Variants in DUOX2 observed in about 807,000 individuals in gnomAD.
DUOX2 encodes the protein NADH/NADPH thyroid oxidase p138-tox.
A neutral mutation model predicts 183.3 loss-of-function variants in DUOX2; 185 were observed. The ratio of observed to expected loss-of-function variants is 1.01; its 90% CI spans 0.90 to 1.14. The LOEUF is 1.14. Among genes scored for constraint, DUOX2 ranks in the 50% most tolerant of loss-of-function variants. The pLI is 0.00. For synonymous variants in DUOX2, 788 were observed against 812.4 expected (o/e 0.97, Z 0.51); for missense variants, 1,999 against 2,022.9 (o/e 0.99, Z 0.23).
intron 17 of DUOX2, 100 bp from the exon 18 acceptor site, chr15:45,105,928 C>CT: frequency 6.6e-7 from 1 of 1,509,626 alleles, no homozygotes; most frequent in South Asian, 1.2e-5. Context: ...AGAGAAAACT[C>CT]CTCCCCATCC....
chr15:45,112,675 A>C lies in DUOX2; in HGVS notation c.204T>G (p.Gly68=), dbSNP rs185014205. ...QRRVPANYAD[G]VYQALEEPQL... is the part of the protein sequence containing the mutation. Reference sequence around the variant, plus strand: ...GCGGCTCCTCCAGAGCCTGATACACACCGTCGGCGTAATTGGCTGGTACGC... The same window carrying C: ...GCGGCTCCTCCAGAGCCTGATACACCCCGTCGGCGTAATTGGCTGGTACGC... Residue 68 remains glycine, a synonymous_variant, in exon 4 of 34, where the codon GGT becomes GGG. Transcript: ENST00000389039. The C allele has an allele frequency of 3.0e-4, 490 of 1,612,650 alleles. 2 individuals are homozygous for C. The East Asian group carries it at 9.8e-3, about 32-fold the overall frequency.
intron 22 of DUOX2, 38 bp downstream of exon 22, chr15:45,101,167 C>T (rs1212924393): frequency 1.9e-6 from 3 of 1,596,688 alleles, no homozygotes; most frequent in Non-Finnish European, 8.6e-7. Flanking sequence ...GCAGGGGGCT[C>T]AGCCAGGCCA....
intron 29 of DUOX2, among the ~76,000 whole-genome samples, chr15:45,096,822 G>A (rs1368002493): frequency 3.3e-5 from 5 of 152,064 alleles, no homozygotes; most frequent in Non-Finnish European, 5.9e-5. Context: ...TACCAATCCC[G>A]ACTTTGGCCA....
chr15:45,095,646 A>G (rs1466465287), intron 30 of DUOX2, 51 bp from the exon 31 acceptor site: 1 of 1,613,146 alleles, frequency 6.2e-7, no homozygotes, highest in African/African-American at 1.3e-5. Context: ...CCCAGCTCTG[A>G]GACCAGAAAC....
intron 1 of DUOX2, 81 bp from the exon 2 acceptor site, chr15:45,113,506 A>C: frequency 9.2e-7 from 1 of 1,081,206 alleles, no homozygotes; most frequent in African/African-American, 1.6e-5. Context: ...TCTTGTTCCT[A>C]CAGCTAGTAC....
chr15:45,111,909 G>T lies in DUOX2; in HGVS notation c.372C>A (p.Cys124Ter), dbSNP rs1197021807. The T allele has an allele frequency of 1.2e-6, 2 of 1,613,836 alleles. No homozygotes were observed. The highest frequency in any genetic ancestry group is 3.3e-5 in the Admixed American group (2 of 60,022). ...SDVVSVETPG[C>*]PAEFLNIRIP... The stretch of plus-strand genomic sequence containing the variant: ...TGCGGATGTTGAGGAACTCGGCGGG[G>T]CAACCGGGCGTTTCCACGCTCACCA... Residue 124 changes from cysteine (C) to a stop codon, truncating the protein, a stop_gained, in exon 5 of 34, where the codon TGC (cysteine) becomes TGA (stop). Coordinates refer to ENST00000389039, the MANE Select transcript of DUOX2 (RefSeq NM_001363711.2). LOFTEE classifies it high-confidence loss of function.
At position 45,103,996 on chromosome 15, in the gene DUOX2, C is replaced by A. The variant is rs1445223230; in HGVS notation, c.2618G>T (p.Gly873Val). 2.5e-6 allele frequency: 4 copies of A among 1,614,036 alleles called. No individual in the cohort carries two copies. The highest frequency in any genetic ancestry group is 3.4e-6 in the Non-Finnish European group (4 of 1,180,042). Residue 873 changes from glycine to valine, a missense_variant, in exon 20 of 34, where the codon GGC becomes GTC. Around this residue, in one of 3 missense-constraint regions of DUOX2, gnomAD observed 1,628 missense variants for 1,608.6 expected, o/e 1.01. Transcript: ENST00000389039. ...MFTMYDLDEN[G>V]FLSKDEFFTM... ...GAAGAATTCGTCCTTGGAGAGGAAG[C>A]CATTCTCATCCAGGTCATACATGGT... is the stretch of plus-strand genomic sequence containing the variant.
At position 45,106,605 on chromosome 15, in the gene DUOX2, C is replaced by G. The variant is rs368645273; in HGVS notation, c.1868G>C (p.Arg623Pro). The part of the protein sequence containing the change: ...LLLSGVVAYF[R>P]GREHKKLQKK... Reference sequence around the variant, plus strand: ...TTGTAGCTTCTTGTGTTCTCGGCCCCGGAAATAGGCCACCACTCCAGAGAG... The same window carrying G: ...TTGTAGCTTCTTGTGTTCTCGGCCCGGGAAATAGGCCACCACTCCAGAGAG... Residue 623 changes from arginine (R) to proline (P), a missense_variant, in exon 16 of 34, where the codon CGG becomes CCG. By Grantham distance (103) the Arg-to-Pro change is moderately radical (BLOSUM62 -2). Around this residue, in one of 3 missense-constraint regions of DUOX2, gnomAD observed 1,628 missense variants for 1,608.6 expected, o/e 1.01. Transcript: ENST00000389039. 5.0e-6 allele frequency: 8 copies of G among 1,614,140 alleles called. No homozygotes were observed. Among genetic ancestry groups the G allele is most frequent in the South Asian group, 1.1e-5 (1 of 91,082 alleles).
In DUOX2 at chr15:45,108,856, G is replaced by C. The variant is rs1201285231; in HGVS notation, c.1331C>G (p.Ala444Gly). The C allele has an allele frequency of 6.2e-7, 1 of 1,614,230 alleles. No individual in the cohort carries two copies. The highest frequency in any genetic ancestry group is 1.7e-5 in the Admixed American group (1 of 60,032). ...GATGTCCAGCCCAAAGGCCAGCAGG[G>C]CCTGGCTATAGCTGGGCAGCCCCAT... ...RDMGLPSYSQ[A>G]LLAFGLDIPR... The change falls in exon 12 of 34, where the codon GCC (alanine) becomes GGC (glycine). Residue 444 changes from alanine (A) to glycine (G), a missense_variant. Transcript: ENST00000389039.
At chr15:45,107,107 A>C in intron 14 of DUOX2, 138 bp from the exon 15 acceptor site, 1 of 1,347,076 alleles carries the variant, frequency 7.4e-7, no homozygotes. Context: ...TCTCCCTCAA[A>C]AAGTCCCCAT....
chr15:45,095,781 T>C (rs767229382), intron 30 of DUOX2, 47 bp downstream of exon 30: 2 of 1,583,410 alleles, frequency 1.3e-6, no homozygotes, highest in Non-Finnish European at 1.7e-6. Context: ...GCAGAGATCC[T>C]CTGCCAGTGC....
At chr15:45,095,159 C>T (rs1473490208) in intron 31 of DUOX2, 68 bp from the exon 32 acceptor site, 27 of 1,558,936 alleles carry the variant, frequency 1.7e-5, no homozygotes, top group Non-Finnish European at 1.3e-5. Context: ...GGTGCCTTCA[C>T]CTGAGAGGCT....
intron 11 of DUOX2, 116 bp downstream of exon 11, chr15:45,109,408 G>C: frequency 1.2e-6 from 1 of 852,140 alleles, no homozygotes; most frequent in South Asian, 1.4e-5. Context: ...CTTGAAGTCT[G>C]TGTTTGTATC....
intron 18 of DUOX2, among the ~76,000 whole-genome samples, 200 bp downstream of exon 18, chr15:45,105,443 C>G (rs894274130): frequency 2.0e-5 from 3 of 152,182 alleles, no homozygotes; most frequent in African/African-American, 7.2e-5. Context: ...GATGAGGAAA[C>G]AGAGATACAG....
Position 45,105,785 on chromosome 15 carries a change from T to C in DUOX2, c.2192A>G (p.Gln731Arg). 6.2e-7 allele frequency: 1 copy of C among 1,614,224 alleles called. No individual in the cohort carries two copies. Among genetic ancestry groups the C allele is most frequent in the Non-Finnish European group, 8.5e-7 (1 of 1,180,028 alleles). The change falls in exon 18 of 34, where the codon CAG (glutamine) becomes CGG (arginine). Residue 731 changes from glutamine to arginine, a missense_variant. Physicochemically the swap from Gln to Arg is conservative, Grantham distance 43. Around this residue, in one of 3 missense-constraint regions of DUOX2, gnomAD observed 1,628 missense variants for 1,608.6 expected, o/e 1.01. Transcript: ENST00000389039. ...GCGCACGCAGAAGTCCCATAGCTGC[T>C]GCACAAAGGCGCCCCGTTCCTCTTC... is the stretch of plus-strand genomic sequence containing the variant. ...SSEEERGAFV[Q>R]QLWDFCVRWA...
chr15:45,095,872 T>A lies in DUOX2; in HGVS notation c.4036A>T (p.Ile1346Phe), dbSNP rs149848729. Residue 1346 changes from isoleucine (I) to phenylalanine (F), a missense_variant, in exon 30 of 34, where the codon ATC (isoleucine) becomes TTC (phenylalanine). Physicochemically the swap from Ile to Phe is conservative, Grantham distance 21. Coordinates refer to ENST00000389039, the MANE Select transcript of DUOX2 (RefSeq NM_001363711.2). Reference protein sequence around the residue: ...VGPWTTRLREIYSSPKGNGCA... With the variant: ...VGPWTTRLREFYSSPKGNGCA... ...CCATTGCCCTTTGGGGATGAGTAGA[T>A]CTCCCTGAGGCGAGTGGTCCAGGGC... The A allele has an allele frequency of 1.2e-6, 2 of 1,613,894 alleles. No homozygotes were observed. The highest frequency in any genetic ancestry group is 3.3e-5 in the Admixed American group (2 of 59,984).
In DUOX2 at chr15:45,095,890, T is replaced by A. The variant is rs1189878260; in HGVS notation, c.4018A>T (p.Thr1340Ser). 5 of 1,611,774 alleles carry A rather than the reference T, an allele frequency of 3.1e-6. No individual in the cohort carries two copies. In the East Asian group the frequency reaches 1.1e-4, roughly 36 times the overall value. ...SLHIRAVGPWTTRLREIYSSP... is the reference protein window; with the variant it reads ...SLHIRAVGPWSTRLREIYSSP... ...GAGTAGATCTCCCTGAGGCGAGTGG[T>A]CCAGGGCCCCACTGCCCGGATGTGC... Residue 1340 changes from threonine to serine, a missense_variant, in exon 30 of 34, where the codon ACC becomes TCC. By Grantham distance (58) the Thr-to-Ser change is moderately conservative (BLOSUM62 1). Transcript: ENST00000389039.
At position 45,107,450 on chromosome 15, in the gene DUOX2, T is replaced by A. The variant is rs180671269; in HGVS notation, c.1588A>T (p.Lys530Ter). 1.4e-4 allele frequency: 219 copies of A among 1,614,080 alleles called. 3 individuals carry two copies. The East Asian group carries it at 4.4e-3, about 33-fold the overall frequency. The change falls in exon 14 of 34, where the codon AAG (lysine) becomes TAG (stop). Residue 530 changes from lysine (K) to a stop codon, truncating the protein, a stop_gained. Transcript: ENST00000389039. LOFTEE classifies it high-confidence loss of function. ...GTATTTCGGATGTCTTCAATCTCCT[T>A]CTTGGAGAACAGCCTAAGTTGGAGG... ...ENTRNGLFSK[K>*]EIEDIRNTTL...
chr15:45,101,233 A>C lies in DUOX2; in HGVS notation c.2893T>G (p.Ser965Ala), dbSNP rs1184809452. 2 of 1,613,742 alleles carry C rather than the reference A, an allele frequency of 1.2e-6. No homozygotes were observed. Among genetic ancestry groups the C allele is most frequent in the East Asian group, 4.5e-5 (2 of 44,880 alleles). ...TCCCCAGGTGTCCGAGTGATGAACG[A>C]GACTCGACAGCTGATGTTTTGTTTA... Reference protein sequence around the residue: ...IFKQNISCRVSFITRTPGERS... With the variant: ...IFKQNISCRVAFITRTPGERS... The change falls in exon 22 of 34, where the codon TCG (serine) becomes GCG (alanine). Residue 965 changes from serine (S) to alanine (A), a missense_variant. Ser to Ala is a moderately conservative substitution (Grantham distance 99). Transcript: ENST00000389039.
Sources: gnomAD v4.1 joint callset for allele counts (sites outside exome capture counted in the v4.1 genomes callset) on GRCh38, gnomAD v4.1.1 for gene constraint, gnomAD v4.1.1 regional missense constraint, MANE v1.5 for transcripts, NCBI Gene and HGNC (gene_info 2026-07-23, HGNC 2026-07-21) for gene names.